CYP27A1: variants seen among roughly 807,000 people sequenced by gnomAD.
CYP27A1 encodes the protein cytochrome P450 family 27 subfamily A member 1.
In CYP27A1, 46 loss-of-function variants were observed where a neutral mutation model predicts 58.2. The ratio of observed to expected loss-of-function variants is 0.79; its 90% CI spans 0.62 to 1.01. The LOEUF (loss-of-function observed/expected upper bound fraction) is 1.01, where lower values mean the gene tolerates loss of function less well. Ranked by LOEUF, CYP27A1 falls within the 50% of genes least tolerant of loss-of-function variation. The pLI, the probability that CYP27A1 is intolerant of heterozygous loss-of-function variation, is 0.00. For synonymous variants in CYP27A1, 274 were observed against 285.1 expected, an observed-to-expected ratio of 0.96 and a Z score of 0.39; for missense variants, 704 against 687.0, an observed-to-expected ratio of 1.02 and a Z score of -0.28.
chr2:218,785,642 G>A (rs1032202666), intron 1 of CYP27A1, among the ~76,000 whole-genome samples: 33 of 151,992 alleles, frequency 2.2e-4, no homozygotes, highest in African/African-American at 8.0e-4. Flanking sequence ...TTTTAAAGGA[G>A]AGTCTAGGGC....
At chr2:218,796,391 G>C (rs1445286118) in intron 1 of CYP27A1, among the ~76,000 whole-genome samples, 1 of 152,126 alleles carries the variant, frequency 6.6e-6, no homozygotes, top group African/African-American at 2.4e-5. Flanking sequence ...TTAGGAGTTC[G>C]AGACTAGCCT....
intron 1 of CYP27A1, among the ~76,000 whole-genome samples, chr2:218,807,773 G>A (rs1160539400): frequency 6.7e-6 from 1 of 148,232 alleles, no homozygotes; most frequent in African/African-American, 2.6e-5. Context: ...CATGCCCAGC[G>A]AATTTTTTTT....
rs1333445399 is a variant in CYP27A1 at position 218,782,334 on chromosome 2, G to A, written c.152G>A (p.Arg51Gln). 3 of 1,613,492 alleles carry A rather than the reference G, an allele frequency of 1.9e-6. No individual in the cohort carries two copies. The highest frequency in any genetic ancestry group is 1.1e-5 in the South Asian group (1 of 91,012). Reference protein sequence around the residue: ...TGAPGAGPGVRRRQRSLEEIP... With the variant: ...TGAPGAGPGVQRRQRSLEEIP... ...GCTCCCGGAGCCGGGCCTGGTGTCC[G>A]GCGGCGGCAACGGAGCTTAGAGGAG... The change falls in exon 1 of 9, where the codon CGG (arginine) becomes CAG (glutamine). Residue 51 changes from arginine (R) to glutamine (Q), a missense_variant. Transcript: ENST00000258415. The surrounding 1 kb of genome is among the most constrained non-coding windows in gnomAD (Gnocchi z 4.1).
At chr2:218,805,369 G>A (rs1943640507) in intron 1 of CYP27A1, among the ~76,000 whole-genome samples, 1 of 152,160 alleles carries the variant, frequency 6.6e-6, no homozygotes. Context: ...AGTATGTACT[G>A]AGTGTCTTAT....
Position 218,782,934 on chromosome 2 carries a change from G to C in CYP27A1, c.255+497G>C, listed in dbSNP as rs1250614527. 6.6e-6 allele frequency among the ~76,000 whole-genome samples: 1 copy of C among 152,152 alleles called. No homozygotes were observed. Among genetic ancestry groups the C allele is most frequent in the Non-Finnish European group, 1.5e-5 (1 of 68,028 alleles). ...GATCGTGGAAGCAAACTCACAGACA[G>C]TAAGGAAAAGGTACTTTTTGTTATT... is the stretch of plus-strand genomic sequence containing the variant. On this transcript the variant is annotated intron_variant, in intron 1 of 8. Coordinates refer to ENST00000258415, the MANE Select transcript of CYP27A1 (RefSeq NM_000784.4). This position sits in a 1 kb window ranked among gnomAD's most constrained non-coding sequence, Gnocchi z 4.1.
chr2:218,798,261 T>A (rs753658450), intron 1 of CYP27A1, among the ~76,000 whole-genome samples: 34 of 152,346 alleles, frequency 2.2e-4, no homozygotes, highest in Middle Eastern at 6.8e-3. Flanking sequence ...TGCCTTGGCC[T>A]CCCAAAGTTC....
chr2:218,804,974 A>C (rs917377851), intron 1 of CYP27A1, among the ~76,000 whole-genome samples: 2 of 152,284 alleles, frequency 1.3e-5, no homozygotes, highest in Middle Eastern at 3.4e-3. Context: ...TGTGCCCTAG[A>C]GGGCAAGCTC....
intron 1 of CYP27A1, among the ~76,000 whole-genome samples, chr2:218,792,457 G>A (rs1474790359): frequency 6.6e-6 from 1 of 152,098 alleles, no homozygotes; most frequent in Non-Finnish European, 1.5e-5. Context: ...CTTCACTGAA[G>A]TTTCAAGAAT....
chr2:218,812,858 G>A, intron 4 of CYP27A1, 66 bp from the exon 5 acceptor site: 2 of 1,610,158 alleles, frequency 1.2e-6, no homozygotes, highest in South Asian at 1.1e-5. Context: ...TTGTCGGAGT[G>A]GCTCTTGGTC....
chr2:218,807,589 G>A (rs1197612766), intron 1 of CYP27A1, among the ~76,000 whole-genome samples: 1 of 152,042 alleles, frequency 6.6e-6, no homozygotes, highest in Non-Finnish European at 1.5e-5. Context: ...CCCCTCCGCT[G>A]CTCCCCTGAC....
At chr2:218,813,180 C>A in intron 5 of CYP27A1, 84 bp downstream of exon 5, 2 of 1,276,948 alleles carry the variant, frequency 1.6e-6, no homozygotes, top group Non-Finnish European at 2.2e-6. Flanking sequence ...TGATCCCGAC[C>A]TTCATCCCTC....
At chr2:218,810,248 C>CAA (rs1943698573) in intron 2 of CYP27A1, among the ~76,000 whole-genome samples, 1 of 151,614 alleles carries the variant, frequency 6.6e-6, no homozygotes, top group African/African-American at 2.4e-5. Flanking sequence ...CACTGCACTC[C>CAA]AGCCTGGGCA....
At chr2:218,786,262 A>T (rs1943439530) in intron 1 of CYP27A1, among the ~76,000 whole-genome samples, 1 of 152,122 alleles carries the variant, frequency 6.6e-6, no homozygotes, top group Admixed American at 6.5e-5. Flanking sequence ...GACATACCCT[A>T]ATTAGCTTAC....
intron 1 of CYP27A1, among the ~76,000 whole-genome samples, chr2:218,800,771 C>T (rs1035830438): frequency 6.6e-6 from 1 of 152,118 alleles, no homozygotes; most frequent in African/African-American, 2.4e-5. Context: ...TTGTTATAAG[C>T]ATATGGGGAA....
chr2:218,789,365 C>A (rs1170205863), intron 1 of CYP27A1, among the ~76,000 whole-genome samples: 1 of 152,174 alleles, frequency 6.6e-6, no homozygotes, highest in Non-Finnish European at 1.5e-5. Context: ...GAGCAAAGAA[C>A]AATTCACAAA....
rs71040405 is a variant in CYP27A1, at chr2:218,798,885, A to AAAAC, written c.256-10667_256-10664dup. 1.8e-3 allele frequency among the ~76,000 whole-genome samples: 275 copies of AAAAC among 150,906 alleles called. 1 individual carries two copies. Among genetic ancestry groups the AAAAC allele is most frequent in the African/African-American group, 4.7e-3 (191 of 40,952 alleles). ...GTGACAGAGCGAGACTTGATCTCAA[A>AAAAC]AAACAAACAAACAAACAAACAAACA... On this transcript the variant is annotated intron_variant, in intron 1 of 8. Coordinates refer to ENST00000258415, the MANE Select transcript of CYP27A1 (RefSeq NM_000784.4).
Position 218,793,999 on chromosome 2 carries a change from C to T in CYP27A1, c.255+11562C>T, listed in dbSNP as rs981019003. Among the ~76,000 whole-genome samples, 7 of 151,936 alleles carry T rather than the reference C, an allele frequency of 4.6e-5. No individual in the cohort carries two copies. In the South Asian group the frequency reaches 8.3e-4, roughly 18 times the overall value. On this transcript the variant is annotated intron_variant, in intron 1 of 8. Transcript: ENST00000258415. Reference sequence around the variant, plus strand: ...ACACAACCAGGAAAGATTAGGCTCGCGGACACATAGAAGGGTGAGAAAAAT... The same window carrying T: ...ACACAACCAGGAAAGATTAGGCTCGTGGACACATAGAAGGGTGAGAAAAAT...
intron 1 of CYP27A1, among the ~76,000 whole-genome samples, chr2:218,785,093 G>C (rs1220121601): frequency 6.6e-6 from 1 of 152,202 alleles, no homozygotes; most frequent in Non-Finnish European, 1.5e-5. Context: ...GGAGCCCTGA[G>C]CTTGTTTTCC....
chr2:218,812,906 T>G lies in CYP27A1; in HGVS notation c.845-18T>G, dbSNP rs1559392783. Reference sequence around the variant, plus strand: ...GACTTTTGGCTTTGTCCTTTCCTCTTCTCTGTTGCTTTCACAGGGAAGAAG... The same window carrying G: ...GACTTTTGGCTTTGTCCTTTCCTCTGCTCTGTTGCTTTCACAGGGAAGAAG... On this transcript the variant is annotated intron_variant, in intron 4 of 8. Transcript: ENST00000258415. The G allele has an allele frequency of 6.8e-6, 11 of 1,614,150 alleles. No homozygotes were observed. Among genetic ancestry groups the G allele is most frequent in the Non-Finnish European group, 8.5e-6 (10 of 1,180,022 alleles).
Sources: allele counts gnomAD v4.1 joint callset (sites outside exome capture counted in the v4.1 genomes callset), GRCh38; gene constraint gnomAD v4.1.1; non-coding constraint Gnocchi (gnomAD v3.1); transcripts MANE v1.5; gene names NCBI Gene and HGNC (gene_info 2026-07-23, HGNC 2026-07-21).